Variants in PCDH15 observed in about 807,000 individuals in gnomAD.
PCDH15 encodes protocadherin related 15.
PCDH15 carries 129 observed loss-of-function variants against 178.5 expected under a neutral mutation model. The observed-to-expected ratio is 0.72, with a 90% CI of 0.63 to 0.84. The LOEUF (loss-of-function observed/expected upper bound fraction) is 0.84, where lower values mean the gene tolerates loss of function less well. PCDH15 is among the 40% of genes least tolerant of loss of function. The probability of loss-of-function intolerance (pLI) is 0.00; values close to 1 mark genes in which losing one functional copy is unlikely to be tolerated. For missense variants in PCDH15, 2,230 were observed against 2,099.9 expected (o/e 1.06, Z -1.21); for synonymous variants, 800 against 732.0 (o/e 1.09, Z -1.50).
intron 1 of PCDH15, among the ~76,000 whole-genome samples, chr10:55,171,037 A>G (rs1310548525): frequency 6.6e-6 from 1 of 152,088 alleles, no homozygotes; most frequent in Admixed American, 6.6e-5. Context: ...CCATCTCTCA[A>G]TAATAGAATG....
chr10:55,432,359 T>G (rs1235073317), intron 2 of PCDH15, among the ~76,000 whole-genome samples: 1 of 152,210 alleles, frequency 6.6e-6, no homozygotes, highest in Non-Finnish European at 1.5e-5. Flanking sequence ...TAGATTTTGA[T>G]TTTATTCTGA....
chr10:54,847,661 G>A (rs1953538778), intron 3 of PCDH15, among the ~76,000 whole-genome samples: 1 of 152,130 alleles, frequency 6.6e-6, no homozygotes, highest in Non-Finnish European at 1.5e-5. Flanking sequence ...TACTGAAATT[G>A]TATTAATTTT....
rs1019920625 is a variant in PCDH15 at position 54,382,062 on chromosome 10, C to A, written c.158-3120G>T. Reference sequence around the variant, plus strand: ...TAATAAAAATCAAAACAATCACAATCGTGTTAAAAATATTAGCACAGTTAA... The same window carrying A: ...TAATAAAAATCAAAACAATCACAATAGTGTTAAAAATATTAGCACAGTTAA... On this transcript the variant is annotated intron_variant, in intron 3 of 37. Coordinates refer to ENST00000644397, the MANE Select transcript of PCDH15 (RefSeq NM_001384140.1). 6.6e-5 allele frequency among the ~76,000 whole-genome samples: 10 copies of A among 152,190 alleles called. No individual in the cohort carries two copies. The East Asian group carries it at 1.5e-3, about 24-fold the overall frequency.
intron 18 of PCDH15, among the ~76,000 whole-genome samples, chr10:54,034,977 T>G (rs1358157686): frequency 4.6e-5 from 7 of 151,898 alleles, no homozygotes; most frequent in Non-Finnish European, 4.4e-5. Context: ...TAAGCCAGAT[T>G]GGAGATTAAA....
chr10:54,887,457 C>G (rs1327962363), intron 3 of PCDH15, among the ~76,000 whole-genome samples: 1 of 152,088 alleles, frequency 6.6e-6, no homozygotes, highest in Non-Finnish European at 1.5e-5. Context: ...CCTAAATTAA[C>G]TGATTCATGT....
At chr10:54,614,148 C>T (rs1244567460) in intron 2 of PCDH15, among the ~76,000 whole-genome samples, 2 of 151,790 alleles carry the variant, frequency 1.3e-5, no homozygotes, top group African/African-American at 4.8e-5. Context: ...CCTATATGCA[C>T]ATAATTGTAA....
intron 2 of PCDH15, among the ~76,000 whole-genome samples, chr10:54,592,702 A>T (rs2091960729): frequency 6.6e-6 from 1 of 152,214 alleles, no homozygotes; most frequent in East Asian, 1.9e-4. Flanking sequence ...CTTTGAATAA[A>T]GACTCAGAAG....
Position 54,320,062 on chromosome 10 carries a change from G to A in PCDH15, c.706-2621C>T, listed in dbSNP as rs116314163. The stretch of plus-strand genomic sequence containing the variant: ...AAAATGTTTAAATTTTCAAAGTTTC[G>A]GAACTCACTCAGATCCCTAGAGGCA... On this transcript the variant is annotated intron_variant, in intron 7 of 37. Transcript: ENST00000644397. Among the ~76,000 whole-genome samples the A allele has an allele frequency of 1.3e-4, 19 of 151,774 alleles. 1 individual carries two copies. Among genetic ancestry groups the A allele is most frequent in the Non-Finnish European group, 2.4e-4 (16 of 67,910 alleles).
chr10:54,473,603 C>T (rs1279187412), intron 3 of PCDH15, among the ~76,000 whole-genome samples: 1 of 151,950 alleles, frequency 6.6e-6, no homozygotes, highest in Non-Finnish European at 1.5e-5. Context: ...TAATTATTTG[C>T]TTGCACATTC....
intron 2 of PCDH15, among the ~76,000 whole-genome samples, chr10:54,952,556 T>C (rs1012259606): frequency 2.6e-5 from 4 of 151,818 alleles, no homozygotes; most frequent in Admixed American, 1.3e-4. Flanking sequence ...GGGATTTTGA[T>C]TGAGATTGCA....
At chr10:55,527,276 T>A (rs558255829) in intron 2 of PCDH15, among the ~76,000 whole-genome samples, 6 of 151,960 alleles carry the variant, frequency 3.9e-5, no homozygotes, top group African/African-American at 1.4e-4. Flanking sequence ...AATCCAAGGT[T>A]AAGGTGTCAG....
chr10:55,257,163 T>G (rs1842022351), intron 1 of PCDH15, among the ~76,000 whole-genome samples: 2 of 151,984 alleles, frequency 1.3e-5, no homozygotes, highest in South Asian at 4.2e-4. Flanking sequence ...CAGCTGAGGG[T>G]CCTGACTGTT....
Position 54,143,085 on chromosome 10 carries a change from C to T in PCDH15, c.1784+10015G>A, listed in dbSNP as rs7079793. ...AACCAACCTTTTTGGATATTAGTTG[C>T]CCTGAAGTTCAAGAGAGACATGTAA... On this transcript the variant is annotated intron_variant, in intron 14 of 37. Coordinates refer to ENST00000644397, the MANE Select transcript of PCDH15 (RefSeq NM_001384140.1). 6.1e-3 allele frequency among the ~76,000 whole-genome samples: 925 copies of T among 152,074 alleles called. 5 individuals carry two copies. Among genetic ancestry groups the T allele is most frequent in the African/African-American group, 0.021 (857 of 41,478 alleles).
At chr10:55,442,480 AT>A (rs869282160) in intron 2 of PCDH15, among the ~76,000 whole-genome samples, 47,774 of 126,914 alleles carry the variant, frequency 0.38, 10,091 homozygotes, top group African/African-American at 0.57. Flanking sequence ...TTATATATAT[AT>A]TATATATATA....
intron 1 of PCDH15, among the ~76,000 whole-genome samples, chr10:54,721,361 G>GA (rs998959961): frequency 7.9e-5 from 12 of 151,106 alleles, no homozygotes; most frequent in Admixed American, 3.3e-4. Context: ...TCTAGCAGAA[G>GA]AAAAAAAATA....
At chr10:55,364,879 T>C (rs555622773) in intron 2 of PCDH15, among the ~76,000 whole-genome samples, 2 of 152,202 alleles carry the variant, frequency 1.3e-5, no homozygotes, top group South Asian at 4.1e-4. Flanking sequence ...TTTTAATAAA[T>C]TAAAAATAGA....
chr10:55,049,468 G>A (rs181998752), intron 2 of PCDH15, among the ~76,000 whole-genome samples: 151 of 151,446 alleles, frequency 1.0e-3, no homozygotes, highest in African/African-American at 3.5e-3. Flanking sequence ...TATGGGGGCT[G>A]CATTCATGAA....
At chr10:54,236,703 A>G in intron 9 of PCDH15, 120 bp downstream of exon 9, 1 of 886,630 alleles carries the variant, frequency 1.1e-6, no homozygotes, top group South Asian at 1.4e-5. Flanking sequence ...TTATACACAA[A>G]AGTAACAATC....
At chr10:54,532,232 G>C (rs967388202) in intron 2 of PCDH15, among the ~76,000 whole-genome samples, 1 of 151,926 alleles carries the variant, frequency 6.6e-6, no homozygotes, top group Non-Finnish European at 1.5e-5. Flanking sequence ...TTTATTTTAG[G>C]TTATAAGCTA....
Sources: gnomAD v4.1 joint callset for allele counts (sites outside exome capture counted in the v4.1 genomes callset) on GRCh38, gnomAD v4.1.1 for gene constraint, MANE v1.5 for transcripts, NCBI Gene and HGNC (gene_info 2026-07-23, HGNC 2026-07-21) for gene names.